ITGBL1: variants seen among roughly 807,000 people sequenced by gnomAD.
The protein encoded by ITGBL1 is integrin beta-like protein 1.
ITGBL1 carries 51 observed loss-of-function variants against 68.5 expected under a neutral mutation model. That is an observed-to-expected ratio of 0.74 (90% CI 0.59 to 0.94). The LOEUF (loss-of-function observed/expected upper bound fraction) is 0.94, where lower values mean the gene tolerates loss of function less well. Ranked by LOEUF, ITGBL1 falls within the 40% of genes least tolerant of loss-of-function variation. The probability of loss-of-function intolerance (pLI) is 0.00; values close to 1 mark genes in which losing one functional copy is unlikely to be tolerated. For missense variants in ITGBL1, 649 were observed against 647.4 expected, an observed-to-expected ratio of 1.00 and a Z score of -0.03; for synonymous variants, 209 against 227.3, an observed-to-expected ratio of 0.92 and a Z score of 0.72.
In ITGBL1 at chr13:101,492,912, C is replaced by G. The variant is rs142835679; in HGVS notation, c.316+38812C>G. Reference sequence around the variant, plus strand: ...AACTTCCTCACTCCCTTTCCTTTTCCAAGTTCAAATGCAGAAGCTTCAGGC... The same window carrying G: ...AACTTCCTCACTCCCTTTCCTTTTCGAAGTTCAAATGCAGAAGCTTCAGGC... On this transcript the variant is annotated intron_variant, in intron 2 of 10. Coordinates refer to ENST00000376180, the MANE Select transcript of ITGBL1 (RefSeq NM_004791.3). 1.1e-4 allele frequency among the ~76,000 whole-genome samples: 17 copies of G among 152,266 alleles called. No homozygotes were observed. In the East Asian group the frequency reaches 2.9e-3, roughly 26 times the overall value.
intron 7 of ITGBL1, among the ~76,000 whole-genome samples, chr13:101,664,930 C>T (rs554129423): frequency 2.3e-4 from 35 of 152,296 alleles, no homozygotes; most frequent in Non-Finnish European, 3.8e-4. Flanking sequence ...GATGATGTTT[C>T]GCCATATTGG....
At chr13:101,489,928 C>T (rs1051493051) in intron 2 of ITGBL1, 1 of 1,465,374 alleles carries the variant, frequency 6.8e-7, no homozygotes, top group Non-Finnish European at 9.2e-7. Flanking sequence ...TTAGAACAAG[C>T]AGAAAACAAA....
intron 2 of ITGBL1, among the ~76,000 whole-genome samples, chr13:101,509,372 A>G (rs1434102982): frequency 6.6e-6 from 1 of 152,170 alleles, no homozygotes; most frequent in Non-Finnish European, 1.5e-5. Flanking sequence ...TTGGGTGGGG[A>G]CACAGCCAAA....
At chr13:101,494,412 G>C (rs1422778949) in intron 2 of ITGBL1, among the ~76,000 whole-genome samples, 1 of 152,090 alleles carries the variant, frequency 6.6e-6, no homozygotes, top group Admixed American at 6.6e-5. Flanking sequence ...CATTGGAAAA[G>C]GGCTAAAATA....
chr13:101,498,363 AT>A (rs1264804538), intron 2 of ITGBL1, among the ~76,000 whole-genome samples: 5 of 152,220 alleles, frequency 3.3e-5, no homozygotes, highest in Non-Finnish European at 5.9e-5. Flanking sequence ...ATAATCTTCC[AT>A]AATGATTTGT....
intron 7 of ITGBL1, among the ~76,000 whole-genome samples, chr13:101,648,581 A>C (rs1245116149): frequency 2.0e-5 from 3 of 152,168 alleles, no homozygotes; most frequent in Non-Finnish European, 4.4e-5. Context: ...GAAAATTATA[A>C]AAAGACATAA....
chr13:101,633,555 G>T lies in ITGBL1; in HGVS notation c.1015+35256G>T, dbSNP rs569525223. On this transcript the variant is annotated intron_variant, in intron 7 of 10. Coordinates refer to ENST00000376180, the MANE Select transcript of ITGBL1 (RefSeq NM_004791.3). ...GCCAAAAAAACCAAGTGGAATGTGA[G>T]TCTGACAGTTCTGAGCAGAAGCTTT... 6.6e-5 allele frequency among the ~76,000 whole-genome samples: 10 copies of T among 152,270 alleles called. 1 individual carries two copies. In the East Asian group the frequency reaches 1.2e-3, roughly 18 times the overall value.
chr13:101,630,179 A>G (rs1356076868), intron 7 of ITGBL1, among the ~76,000 whole-genome samples: 4 of 152,234 alleles, frequency 2.6e-5, no homozygotes, highest in African/African-American at 9.6e-5. Context: ...TATTTGGACA[A>G]TTTGTTTTCT....
intron 7 of ITGBL1, among the ~76,000 whole-genome samples, chr13:101,690,470 C>T (rs1370172782): frequency 6.6e-6 from 1 of 152,020 alleles, no homozygotes; most frequent in Non-Finnish European, 1.5e-5. Flanking sequence ...ATGCATTGCC[C>T]CTCAGGAATA....
chr13:101,605,531 T>A (rs968201614), intron 7 of ITGBL1, among the ~76,000 whole-genome samples: 8 of 151,138 alleles, frequency 5.3e-5, no homozygotes, highest in Non-Finnish European at 8.9e-5. Flanking sequence ...GACATATGTA[T>A]ATGCGTATAT....
intron 8 of ITGBL1, among the ~76,000 whole-genome samples, chr13:101,705,767 G>C (rs1269002609): frequency 6.6e-6 from 1 of 152,226 alleles, no homozygotes; most frequent in Non-Finnish European, 1.5e-5. Context: ...AGAGAACGGT[G>C]TCAACAGCTT....
At chr13:101,618,901 G>T (rs1053218082) in intron 7 of ITGBL1, among the ~76,000 whole-genome samples, 2 of 152,120 alleles carry the variant, frequency 1.3e-5, no homozygotes, top group Non-Finnish European at 2.9e-5. Flanking sequence ...TTGCTTGGAT[G>T]AAATGGTCAG....
chr13:101,574,558 T>C (rs2050324731), intron 3 of ITGBL1, among the ~76,000 whole-genome samples: 1 of 152,094 alleles, frequency 6.6e-6, no homozygotes, highest in South Asian at 2.1e-4. Context: ...ATTTTCAGAG[T>C]CCAGGGTGGT....
intron 8 of ITGBL1, 27 bp downstream of exon 8, chr13:101,692,728 C>T (rs2033908214): frequency 2.1e-6 from 3 of 1,419,354 alleles, no homozygotes; most frequent in Middle Eastern, 3.6e-4. Context: ...TAGCTGTATG[C>T]TACCTGCATG....
At chr13:101,662,068 G>A (rs2033103114) in intron 7 of ITGBL1, among the ~76,000 whole-genome samples, 1 of 152,140 alleles carries the variant, frequency 6.6e-6, no homozygotes, top group Admixed American at 6.6e-5. Flanking sequence ...GAACTGCTTA[G>A]GCATTCTTTG....
At chr13:101,697,127 T>A (rs1453419530) in intron 8 of ITGBL1, among the ~76,000 whole-genome samples, 1 of 152,060 alleles carries the variant, frequency 6.6e-6, no homozygotes, top group Non-Finnish European at 1.5e-5. Flanking sequence ...CTTACTCATG[T>A]ATTATTTATA....
At position 101,472,994 on chromosome 13, in the gene ITGBL1, A is replaced by G. The variant is rs1441931824; in HGVS notation, c.316+18894A>G. 2.6e-5 allele frequency among the ~76,000 whole-genome samples: 4 copies of G among 152,154 alleles called. 1 individual carries two copies. The South Asian group carries it at 8.3e-4, about 32-fold the overall frequency. ...GTTGTGTGTATAATTATGTTGTTCA[A>G]TCAACAGTTATTTATTAAGGAACTA... On this transcript the variant is annotated intron_variant, in intron 2 of 10. Transcript: ENST00000376180.
At chr13:101,642,402 A>G (rs1181215588) in intron 7 of ITGBL1, among the ~76,000 whole-genome samples, 3 of 151,878 alleles carry the variant, frequency 2.0e-5, no homozygotes, top group Non-Finnish European at 4.4e-5. Flanking sequence ...CCACTTGTTG[A>G]TGGGGTTGTT....
rs202164060 is a variant in ITGBL1 at position 101,537,732 on chromosome 13, T to G, written c.317-29967T>G. ...GTGGATCACAATGTATTAAATTGCT[T>G]TGATCAACTCCCAGTCATTTTTACC... On this transcript the variant is annotated intron_variant, in intron 2 of 10. Transcript: ENST00000376180. 4.6e-5 allele frequency among the ~76,000 whole-genome samples: 7 copies of G among 152,152 alleles called. No individual in the cohort carries two copies. In the East Asian group the frequency reaches 1.4e-3, roughly 29 times the overall value.
Sources: gnomAD v4.1 joint callset for allele counts (sites outside exome capture counted in the v4.1 genomes callset) on GRCh38, gnomAD v4.1.1 for gene constraint, MANE v1.5 for transcripts, NCBI Gene and HGNC (gene_info 2026-07-23, HGNC 2026-07-21) for gene names.